GLDC: variants seen among roughly 807,000 people sequenced by gnomAD.
The protein encoded by GLDC is glycine dehydrogenase (decarboxylating), mitochondrial.
In GLDC, 104 loss-of-function variants were observed where a neutral mutation model predicts 121.3. The observed-to-expected ratio is 0.86, with a 90% CI of 0.73 to 1.01. The LOEUF (loss-of-function observed/expected upper bound fraction) is 1.01, where lower values mean the gene tolerates loss of function less well. GLDC is among the 50% of genes least tolerant of loss of function. GLDC has a pLI of 0.00. For missense variants in GLDC, 1,429 were observed against 1,306.6 expected, an observed-to-expected ratio of 1.09 and a Z score of -1.44; for synonymous variants, 546 against 480.6, an observed-to-expected ratio of 1.14 and a Z score of -1.78.
intron 2 of GLDC, among the ~76,000 whole-genome samples, chr9:6,624,648 T>C (rs1819194103): frequency 6.6e-6 from 1 of 152,212 alleles, no homozygotes; most frequent in Non-Finnish European, 1.5e-5. Context: ...TCAGTCATTT[T>C]TAGGAGACAC....
chr9:6,586,709 G>A (rs2129829647), intron 15 of GLDC, among the ~76,000 whole-genome samples: 1 of 152,242 alleles, frequency 6.6e-6, no homozygotes, highest in Middle Eastern at 3.4e-3. Flanking sequence ...TCCCCTCCCC[G>A]ATTCAATCTG....
At chr9:6,643,499 T>A (rs572993416) in intron 2 of GLDC, among the ~76,000 whole-genome samples, 17 of 149,986 alleles carry the variant, frequency 1.1e-4, no homozygotes, top group Middle Eastern at 3.4e-3. Flanking sequence ...AAGAGATAAG[T>A]ATCTCCATGA....
chr9:6,605,315 G>A (rs558723672), intron 5 of GLDC, 37 bp from the exon 6 acceptor site: 10 of 1,602,944 alleles, frequency 6.2e-6, no homozygotes, highest in Admixed American at 3.3e-5. Context: ...TCGTGCTTTC[G>A]GTTTATAAGG....
chr9:6,604,320 G>T (rs1273834366), intron 7 of GLDC, among the ~76,000 whole-genome samples: 1 of 152,090 alleles, frequency 6.6e-6, no homozygotes, highest in Non-Finnish European at 1.5e-5. Context: ...AGTCTTTCAA[G>T]GCGTCCATCA....
At chr9:6,555,474 G>GA (rs113353694) in intron 18 of GLDC, among the ~76,000 whole-genome samples, 13,972 of 148,704 alleles carry the variant, frequency 0.094, 714 homozygotes, top group South Asian at 0.16. Context: ...AAAATGGTAG[G>GA]AAAAAAAAAA....
At chr9:6,629,958 T>TATATATATATATATGTATACATATATA in intron 2 of GLDC, among the ~76,000 whole-genome samples, 2 of 78,664 alleles carry the variant, frequency 2.5e-5, no homozygotes, top group Admixed American at 1.3e-4. Flanking sequence ...TATATATATA[T>TATATATATATATATGTATACATATATA]TTTTTTTTTT....
At chr9:6,588,804 A>C (rs1818319999) in intron 12 of GLDC, 102 bp from the exon 13 acceptor site, 7 of 802,498 alleles carry the variant, frequency 8.7e-6, no homozygotes, top group Non-Finnish European at 1.6e-5. Flanking sequence ...TTCAAAATGC[A>C]GATCAATTTT....
chr9:6,601,266 C>G (rs1246677213), intron 8 of GLDC, among the ~76,000 whole-genome samples: 1 of 152,182 alleles, frequency 6.6e-6, no homozygotes, highest in East Asian at 1.9e-4. Context: ...CACAAATGCC[C>G]TTGCTTTGCC....
intron 15 of GLDC, among the ~76,000 whole-genome samples, chr9:6,574,898 C>T (rs989903595): frequency 2.0e-5 from 3 of 152,092 alleles, no homozygotes; most frequent in African/African-American, 7.2e-5. Flanking sequence ...GGGCTTTTGA[C>T]CCTCCCTGCA....
At chr9:6,560,451 CGTT>C (rs1430213455) in intron 16 of GLDC, among the ~76,000 whole-genome samples, 2 of 152,204 alleles carry the variant, frequency 1.3e-5, no homozygotes, top group Non-Finnish European at 2.9e-5. Flanking sequence ...GGTTATGTCA[CGTT>C]GTCCTCAAAT....
rs1210528176 is a variant in GLDC at position 6,605,225 on chromosome 9, C to T, written c.767G>A (p.Gly256Glu). ...LKLPCEMDFS[G>E]KDVSGVLFQY... ...GAACAACACTCCACTGACATCTTTT[C>T]CACTGAAGTCCATTTCACAGGGTAA... is the stretch of plus-strand genomic sequence containing the variant. The change falls in exon 6 of 25, where the codon GGA becomes GAA. Residue 256 changes from glycine (G) to glutamate (E), a missense_variant. Transcript: ENST00000321612. The T allele has an allele frequency of 3.1e-6, 5 of 1,613,450 alleles. No homozygotes were observed. The highest frequency in any genetic ancestry group is 4.2e-6 in the Non-Finnish European group (5 of 1,179,476).
At chr9:6,543,338 G>A (rs116159292) in intron 21 of GLDC, among the ~76,000 whole-genome samples, 4 of 152,284 alleles carry the variant, frequency 2.6e-5, no homozygotes, top group African/African-American at 9.6e-5. Context: ...GAAGCTCACT[G>A]CTCGGAATGA....
chr9:6,628,578 C>G (rs1819296289), intron 2 of GLDC, among the ~76,000 whole-genome samples: 1 of 152,178 alleles, frequency 6.6e-6, no homozygotes, highest in Non-Finnish European at 1.5e-5. Context: ...ATTGTTTGAG[C>G]CCAGGAGTTC....
intron 3 of GLDC, among the ~76,000 whole-genome samples, chr9:6,615,666 A>T (rs141192224): frequency 1.5e-3 from 234 of 151,936 alleles, no homozygotes; most frequent in African/African-American, 5.5e-3. Flanking sequence ...GCTGGAGTGC[A>T]GTGGTGCAAT....
At chr9:6,595,374 C>A (rs935635886) in intron 8 of GLDC, among the ~76,000 whole-genome samples, 36 of 152,134 alleles carry the variant, frequency 2.4e-4, no homozygotes, top group African/African-American at 8.0e-4. Flanking sequence ...TTCTTCCATG[C>A]AACAAAATCA....
chr9:6,640,396 TG>T (rs1223745095), intron 2 of GLDC, among the ~76,000 whole-genome samples: 1 of 152,258 alleles, frequency 6.6e-6, no homozygotes, highest in Non-Finnish European at 1.5e-5. Flanking sequence ...GGCCTCGGCC[TG>T]GGGAACAGCT....
intron 5 of GLDC, chr9:6,605,819 A>C (rs186433405): frequency 1.7e-4 from 35 of 204,842 alleles, no homozygotes; most frequent in Non-Finnish European, 3.0e-4. Context: ...GTTTTACCTG[A>C]TTACAGCACG....
At chr9:6,603,551 A>G (rs72695548) in intron 7 of GLDC, among the ~76,000 whole-genome samples, 3 of 151,852 alleles carry the variant, frequency 2.0e-5, no homozygotes, top group South Asian at 2.1e-4. Context: ...AAATAAATAA[A>G]TAAATAAAAT....
At chr9:6,556,734 T>C (rs2129728202) in intron 17 of GLDC, among the ~76,000 whole-genome samples, 1 of 149,714 alleles carries the variant, frequency 6.7e-6, no homozygotes, top group Non-Finnish European at 1.5e-5. Flanking sequence ...GTGGAGGTTG[T>C]AGTGAGCCAA....
Sources: allele counts gnomAD v4.1 joint callset (sites outside exome capture counted in the v4.1 genomes callset), GRCh38; gene constraint gnomAD v4.1.1; transcripts MANE v1.5; gene names NCBI Gene and HGNC (gene_info 2026-07-23, HGNC 2026-07-21).